The following KAZN variants were observed in gnomAD, a reference collection of about 807,000 sequenced individuals.
The protein encoded by KAZN is kazrin, periplakin interacting protein.
Under a neutral mutation model 87.4 loss-of-function variants are expected in KAZN, and 40 were observed. The ratio of observed to expected loss-of-function variants is 0.46; its 90% CI spans 0.36 to 0.60. KAZN has a LOEUF of 0.60. Ranked by LOEUF, KAZN falls within the 20% of genes least tolerant of loss-of-function variation. The pLI, the probability that KAZN is intolerant of heterozygous loss-of-function variation, is 0.00. For missense variants in KAZN, 898 were observed against 1,073.9 expected (o/e 0.84, Z 2.29); for synonymous variants, 466 against 458.3 (o/e 1.02, Z -0.22).
intron 1 of KAZN, among the ~76,000 whole-genome samples, chr1:13,969,342 A>G (rs1358787586): frequency 1.3e-5 from 2 of 152,196 alleles, no homozygotes; most frequent in Non-Finnish European, 1.5e-5. Flanking sequence ...TCTTAATCCA[A>G]TAAGTCCTTA....
At chr1:14,456,414 T>C (rs932922899) in intron 2 of KAZN, among the ~76,000 whole-genome samples, 2 of 152,162 alleles carry the variant, frequency 1.3e-5, no homozygotes, top group African/African-American at 2.4e-5. Flanking sequence ...AAAATATTTG[T>C]TGAGTTTTTT....
chr1:14,320,806 C>G (rs1263569535), intron 2 of KAZN, among the ~76,000 whole-genome samples: 1 of 152,164 alleles, frequency 6.6e-6, no homozygotes, highest in Non-Finnish European at 1.5e-5. Context: ...CAAAGTCATG[C>G]TGATATCAAA....
chr1:14,581,149 G>A (rs1302352997), intron 2 of KAZN, among the ~76,000 whole-genome samples: 1 of 152,070 alleles, frequency 6.6e-6, no homozygotes, highest in African/African-American at 2.4e-5. Flanking sequence ...CTCCAAGCTT[G>A]TGTATCCAAC....
intron 1 of KAZN, among the ~76,000 whole-genome samples, chr1:14,800,672 C>A (rs1002873803): frequency 2.6e-5 from 4 of 152,158 alleles, no homozygotes; most frequent in African/African-American, 9.7e-5. Context: ...ACACCACACT[C>A]CAGCCTGCAC....
chr1:14,446,891 G>A (rs1330961841), intron 2 of KAZN, among the ~76,000 whole-genome samples: 2 of 151,984 alleles, frequency 1.3e-5, no homozygotes, highest in African/African-American at 2.4e-5. Flanking sequence ...ATTCCTGAAT[G>A]GAAGCACCTT....
chr1:15,044,306 CG>C (rs1253186137), intron 4 of KAZN, 147 bp downstream of exon 4: 1 of 786,072 alleles, frequency 1.3e-6, no homozygotes, highest in Non-Finnish European at 1.9e-6. Flanking sequence ...GGGCCCGCCG[CG>C]GGAGGGGGCT....
At chr1:14,775,492 C>T (rs1281663881) in intron 1 of KAZN, among the ~76,000 whole-genome samples, 2 of 152,238 alleles carry the variant, frequency 1.3e-5, no homozygotes, top group Admixed American at 1.3e-4. Flanking sequence ...TCCAGGTCAG[C>T]CTTGGCGTCC....
At chr1:14,139,605 A>C (rs1003352421) in intron 1 of KAZN, among the ~76,000 whole-genome samples, 1 of 152,160 alleles carries the variant, frequency 6.6e-6, no homozygotes, top group African/African-American at 2.4e-5. Context: ...GTTATTTATA[A>C]ACTTGTATTT....
At chr1:14,781,219 G>GA (rs1645329840) in intron 1 of KAZN, among the ~76,000 whole-genome samples, 2 of 152,244 alleles carry the variant, frequency 1.3e-5, no homozygotes, top group Admixed American at 1.3e-4. Context: ...CTACTCGGGA[G>GA]GCTGAGGCAG....
chr1:14,289,625 T>A (rs1048409049), intron 2 of KAZN, among the ~76,000 whole-genome samples: 1 of 152,192 alleles, frequency 6.6e-6, no homozygotes, highest in Non-Finnish European at 1.5e-5. Context: ...GGGTCTTGAC[T>A]CTTTATCCAA....
At position 13,902,929 on chromosome 1, in the gene KAZN, A is replaced by C. The variant is rs182787016; in HGVS notation, c.91+9173A>C. On this transcript the variant is annotated intron_variant, in intron 1 of 16. Transcript: ENST00000636203. ...AATGTAATGGCTGTAGGTTTAACAA[A>C]ACCTCCATGATGGTCCCCATGATAT... Among the ~76,000 whole-genome samples the C allele has an allele frequency of 4.3e-3, 655 of 152,312 alleles. 7 individuals are homozygous for C. Among genetic ancestry groups the C allele is most frequent in the African/African-American group, 0.015 (609 of 41,570 alleles).
At chr1:14,382,817 C>G (rs1258223047) in intron 2 of KAZN, among the ~76,000 whole-genome samples, 1 of 151,486 alleles carries the variant, frequency 6.6e-6, no homozygotes, top group Non-Finnish European at 1.5e-5. Context: ...GATTTATAGT[C>G]CTTTGGGTAT....
chr1:14,509,462 A>C (rs1161449658), intron 2 of KAZN, among the ~76,000 whole-genome samples: 1 of 152,238 alleles, frequency 6.6e-6, no homozygotes, highest in African/African-American at 2.4e-5. Context: ...CAAATGGGTG[A>C]AACTGCCATG....
At chr1:14,751,296 T>C (rs961032402) in intron 1 of KAZN, among the ~76,000 whole-genome samples, 11 of 152,236 alleles carry the variant, frequency 7.2e-5, no homozygotes, top group African/African-American at 2.7e-4. Flanking sequence ...GTGAATTGAA[T>C]GTGTACTTGC....
intron 2 of KAZN, among the ~76,000 whole-genome samples, chr1:14,566,529 G>GA (rs1674559138): frequency 6.6e-6 from 1 of 152,206 alleles, no homozygotes; most frequent in African/African-American, 2.4e-5. Context: ...CCTGTCCTTT[G>GA]AAGCTTTAAA....
chr1:14,147,009 A>G (rs1645368099), intron 1 of KAZN, among the ~76,000 whole-genome samples: 1 of 152,198 alleles, frequency 6.6e-6, no homozygotes, highest in South Asian at 2.1e-4. Flanking sequence ...CAGCAAGGAT[A>G]AAGACCTTTA....
chr1:15,041,331 C>CTTTTTTT (rs71000360), intron 3 of KAZN, among the ~76,000 whole-genome samples: 1,496 of 114,038 alleles, frequency 0.013, 29 homozygotes, highest in African/African-American at 0.048. Context: ...CATTTTTTTT[C>CTTTTTTT]TTTTTTTTTT....
chr1:14,373,148 G>A (rs1660637348), intron 2 of KAZN, among the ~76,000 whole-genome samples: 2 of 151,414 alleles, frequency 1.3e-5, no homozygotes, highest in South Asian at 4.2e-4. Flanking sequence ...TCTGGGAAGT[G>A]GATATAGTCT....
At chr1:14,221,886 G>A (rs1553146793) in intron 2 of KAZN, 3 of 152,124 alleles carry the variant, frequency 2.0e-5, no homozygotes, top group Admixed American at 2.0e-4. Flanking sequence ...AGCAATCACC[G>A]TTAATCAGAA....
Sources: gnomAD v4.1 joint callset for allele counts (sites outside exome capture counted in the v4.1 genomes callset) on GRCh38, gnomAD v4.1.1 for gene constraint, MANE v1.5 for transcripts, NCBI Gene and HGNC (gene_info 2026-07-23, HGNC 2026-07-21) for gene names.